The following PCDHGA6 variants were observed in gnomAD, a reference collection of about 807,000 sequenced individuals.
The protein encoded by PCDHGA6 is protocadherin gamma-A6.
In PCDHGA6, 41 loss-of-function variants were observed where a neutral mutation model predicts 60.6. That is an observed-to-expected ratio of 0.68 (90% CI 0.53 to 0.88). PCDHGA6 has a LOEUF of 0.88. Among genes scored for constraint, PCDHGA6 ranks in the 40% least tolerant of loss-of-function variants. The pLI, the probability that PCDHGA6 is intolerant of heterozygous loss-of-function variation, is 0.00. For missense variants in PCDHGA6, 1,312 were observed against 1,203.0 expected (o/e 1.09, Z -1.34); for synonymous variants, 594 against 524.4 (o/e 1.13, Z -1.81).
chr5:141,490,009 A>T lies in PCDHGA6; in HGVS notation c.2425-4798A>T. Reference sequence around the variant, plus strand: ...TGTGGGAATCCCAGAGAATGCACCCATTGGTACTCTGCTGCTCCGCCTCAA... The same window carrying T: ...TGTGGGAATCCCAGAGAATGCACCCTTTGGTACTCTGCTGCTCCGCCTCAA... On this transcript the variant is annotated intron_variant, in intron 1 of 3. Transcript: ENST00000517434. The surrounding 1 kb of genome is among the most constrained non-coding windows in gnomAD (Gnocchi z 5.4). 5 of 1,614,214 alleles carry T rather than the reference A, an allele frequency of 3.1e-6. No individual in the cohort carries two copies. The highest frequency in any genetic ancestry group is 4.2e-6 in the Non-Finnish European group (5 of 1,180,032).
intron 1 of PCDHGA6, among the ~76,000 whole-genome samples, chr5:141,472,437 G>A (rs1332528325): frequency 6.6e-6 from 1 of 152,116 alleles, no homozygotes; most frequent in Non-Finnish European, 1.5e-5. Flanking sequence ...CTACTAGGGA[G>A]GCTGAGGCAG....
chr5:141,389,588 C>T (rs2091837140), intron 1 of PCDHGA6: 3 of 1,613,150 alleles, frequency 1.9e-6, no homozygotes, highest in Non-Finnish European at 2.5e-6. Flanking sequence ...TGGGTCCCGA[C>T]GGCTCTGCGC....
chr5:141,491,409 G>C lies in PCDHGA6; in HGVS notation c.2425-3398G>C, dbSNP rs2099711927. 6.2e-7 allele frequency: 1 copy of C among 1,614,000 alleles called. No homozygotes were observed. Among genetic ancestry groups the C allele is most frequent in the Non-Finnish European group, 8.5e-7 (1 of 1,180,022 alleles). The stretch of plus-strand genomic sequence containing the variant: ...AGTGCCTTCAGGGAAACGCAGACGG[G>C]GACGGGGGTGGAGGGCAGTGCTGCA... On this transcript the variant is annotated intron_variant, in intron 1 of 3. Coordinates refer to ENST00000517434, the MANE Select transcript of PCDHGA6 (RefSeq NM_018919.3). This position sits in a 1 kb window ranked among gnomAD's most constrained non-coding sequence, Gnocchi z 6.9.
chr5:141,389,223 G>T, intron 1 of PCDHGA6: 3 of 1,613,994 alleles, frequency 1.9e-6, no homozygotes, highest in East Asian at 2.2e-5. Flanking sequence ...AAATGACAAC[G>T]CTCCGGTTTT....
intron 1 of PCDHGA6, chr5:141,415,949 C>T (rs369226000): frequency 6.5e-4 from 320 of 496,036 alleles, no homozygotes; most frequent in African/African-American, 5.9e-3. Context: ...TGGGTGGTCA[C>T]ATATTGAAAC....
At chr5:141,418,851 G>A (rs778281594) in intron 1 of PCDHGA6, 9 of 1,613,906 alleles carry the variant, frequency 5.6e-6, no homozygotes, top group South Asian at 2.2e-5. Context: ...TCAACACGGT[G>A]TAAAGTAATT....
chr5:141,458,018 A>G (rs1361716104), intron 1 of PCDHGA6, among the ~76,000 whole-genome samples: 1 of 152,188 alleles, frequency 6.6e-6, no homozygotes, highest in Admixed American at 6.5e-5. Flanking sequence ...GGTTTTTCCA[A>G]TTGTGTTCTG....
At chr5:141,394,952 G>A (rs764724660) in intron 1 of PCDHGA6, 13 of 1,613,738 alleles carry the variant, frequency 8.1e-6, no homozygotes, top group African/African-American at 6.7e-5. Context: ...TGCTTCTGGG[G>A]CTCAGGCTGA....
At chr5:141,503,554 G>A (rs1395044357) in intron 2 of PCDHGA6, among the ~76,000 whole-genome samples, 11 of 149,146 alleles carry the variant, frequency 7.4e-5, no homozygotes, top group East Asian at 3.9e-4. Flanking sequence ...AGCCGAGATC[G>A]CGCCACTGTA....
intron 2 of PCDHGA6, among the ~76,000 whole-genome samples, chr5:141,498,949 AAGAG>A (rs1417276243): frequency 1.3e-4 from 18 of 133,552 alleles, no homozygotes; most frequent in African/African-American, 1.9e-4. Context: ...AAGAAAGAAA[AAGAG>A]AGAGAGGGAG....
At chr5:141,437,463 AC>A (rs2097887109) in intron 1 of PCDHGA6, among the ~76,000 whole-genome samples, 1 of 152,184 alleles carries the variant, frequency 6.6e-6, no homozygotes, top group Non-Finnish European at 1.5e-5. Flanking sequence ...ACTATACTAT[AC>A]TTTTATAGCA....
chr5:141,450,675 CG>C (rs2098689980), intron 1 of PCDHGA6, among the ~76,000 whole-genome samples: 1 of 151,614 alleles, frequency 6.6e-6, no homozygotes, highest in Non-Finnish European at 1.5e-5. Flanking sequence ...TTAGTAGAAA[CG>C]GGGTTTTGCC....
At chr5:141,378,089 T>C (rs1272599640) in intron 1 of PCDHGA6, 1 of 152,254 alleles carries the variant, frequency 6.6e-6, no homozygotes, top group East Asian at 1.9e-4. Flanking sequence ...TATAACTTTT[T>C]TTCAAACTCT....
intron 1 of PCDHGA6, among the ~76,000 whole-genome samples, chr5:141,483,021 G>A (rs543104114): frequency 6.6e-6 from 1 of 152,126 alleles, no homozygotes; most frequent in East Asian, 1.9e-4. Context: ...GGAGGCAGAG[G>A]TTGCAATGAG....
intron 1 of PCDHGA6, chr5:141,394,196 C>G (rs760903381): frequency 2.7e-5 from 44 of 1,613,792 alleles, no homozygotes; most frequent in African/African-American, 4.0e-5. Flanking sequence ...CAGCGTATAT[C>G]CTAGAGAACA....
rs750033444 is a variant in PCDHGA6 at position 141,432,950 on chromosome 5, G to C, written c.2424+56443G>C. 1.2e-6 allele frequency: 2 copies of C among 1,614,190 alleles called. No homozygotes were observed. The highest frequency in any genetic ancestry group is 1.7e-6 in the Non-Finnish European group (2 of 1,180,032). ...ACGCCTGCTGCAGGCTTCAGGAGGC[G>C]GCTTGACAGGAGCGCCGGCGTCGCA... On this transcript the variant is annotated intron_variant, in intron 1 of 3. Transcript: ENST00000517434. The surrounding 1 kb of genome is among the most constrained non-coding windows in gnomAD (Gnocchi z 6.0).
chr5:141,426,887 G>A (rs1309180455), intron 1 of PCDHGA6: 1 of 456,646 alleles, frequency 2.2e-6, no homozygotes, highest in Non-Finnish European at 4.4e-6. Context: ...TGGGCCAGGA[G>A]CAACAGAGCT....
chr5:141,477,553 A>T lies in PCDHGA6; in HGVS notation c.2425-17254A>T, dbSNP rs1478806410. 6.2e-7 allele frequency: 1 copy of T among 1,614,090 alleles called. No homozygotes were observed. Among genetic ancestry groups the T allele is most frequent in the Admixed American group, 1.7e-5 (1 of 60,028 alleles). On this transcript the variant is annotated intron_variant, in intron 1 of 3. Coordinates refer to ENST00000517434, the MANE Select transcript of PCDHGA6 (RefSeq NM_018919.3). The surrounding 1 kb of genome is among the most constrained non-coding windows in gnomAD (Gnocchi z 4.9). ...TCCCCGGGGCTCCAATACTAAACCT[A>T]AGTGTCTGGGACCCCGACGCCCCGC...
chr5:141,404,159 A>C, intron 1 of PCDHGA6: 1 of 1,613,114 alleles, frequency 6.2e-7, no homozygotes, highest in South Asian at 1.1e-5. Flanking sequence ...AGATTATTAC[A>C]GATTGTTGAC....
Sources: gnomAD v4.1 joint callset for allele counts (sites outside exome capture counted in the v4.1 genomes callset) on GRCh38, gnomAD v4.1.1 for gene constraint, Gnocchi (gnomAD v3.1) non-coding constraint, MANE v1.5 for transcripts, NCBI Gene and HGNC (gene_info 2026-07-23, HGNC 2026-07-21) for gene names.